NUP62: variants seen among roughly 807,000 people sequenced by gnomAD.
NUP62 encodes the protein nucleoporin 62, also known as nuclear pore glycoprotein p62.
For synonymous variants in NUP62, 305 were observed against 303.4 expected (o/e 1.01, Z -0.05); for missense variants, 647 against 689.4 (o/e 0.94, Z 0.69).
At chr19:49,924,158 C>A (rs1196992127) in intron 2 of NUP62, among the ~76,000 whole-genome samples, 5 of 152,164 alleles carry the variant, frequency 3.3e-5, no homozygotes, top group South Asian at 2.1e-4. Flanking sequence ...GGCCTCGGGG[C>A]CCTGGAAGCT....
At chr19:49,917,359 GCTT>G (rs1243961142) in intron 2 of NUP62, among the ~76,000 whole-genome samples, 1 of 152,238 alleles carries the variant, frequency 6.6e-6, no homozygotes, top group Non-Finnish European at 1.5e-5. Flanking sequence ...TAACTACTCT[GCTT>G]CTTAACCGTC....
Position 49,929,475 on chromosome 19 carries a change from TG to T in NUP62, c.-350del, listed in dbSNP as rs906473711. 5.9e-5 allele frequency: 9 copies of T among 152,472 alleles called. No homozygotes were observed. In the East Asian group the frequency reaches 1.4e-3, roughly 23 times the overall value. 9.4% of individuals were successfully genotyped at this position (152,472 alleles called of 1,614,324 possible). A position where few individuals can be genotyped will look rare whatever the true frequency, so the allele number is the denominator to read the frequency against. On this transcript the variant is annotated 5_prime_UTR_variant, in exon 1 of 3. Coordinates refer to ENST00000352066, the MANE Select transcript of NUP62 (RefSeq NM_016553.5). ...GCTCGTGGCCCTCTTTAGGGAGCCC[TG>T]GGGGGTGGGGAGTCGCGAGCGGGGA...
chr19:49,924,504 C>A (rs1235091191), intron 2 of NUP62, among the ~76,000 whole-genome samples: 1 of 152,278 alleles, frequency 6.6e-6, no homozygotes, highest in South Asian at 2.1e-4. Context: ...CTGCAACCAC[C>A]GCCTCACTCC....
At chr19:49,914,789 G>A (rs1347488378) in intron 2 of NUP62, among the ~76,000 whole-genome samples, 1 of 137,504 alleles carries the variant, frequency 7.3e-6, no homozygotes, top group Non-Finnish European at 1.5e-5. Flanking sequence ...ACCCAGGCTG[G>A]AGTGTGGTGG....
intron 2 of NUP62, among the ~76,000 whole-genome samples, chr19:49,915,481 G>A (rs969965687): frequency 1.3e-5 from 2 of 152,168 alleles, no homozygotes; most frequent in African/African-American, 4.8e-5. Context: ...TTTCCCAGAG[G>A]AACTACACAC....
chr19:49,911,313 G>A (rs1415559672), intron 2 of NUP62: 7 of 152,196 alleles, frequency 4.6e-5, no homozygotes, highest in Non-Finnish European at 7.3e-5. Flanking sequence ...AGAAAGCCAG[G>A]AGCCAAGGAA....
At chr19:49,925,525 T>C (rs1951809075) in intron 2 of NUP62, among the ~76,000 whole-genome samples, 2 of 151,046 alleles carry the variant, frequency 1.3e-5, no homozygotes, top group South Asian at 2.1e-4. Flanking sequence ...CAAAACCAAA[T>C]GGAAGCACAT....
Position 49,909,592 on chromosome 19 carries a change from T to C in NUP62, c.216A>G (p.Thr72=). The C allele has an allele frequency of 1.2e-6, 2 of 1,613,968 alleles. No homozygotes were observed. Among genetic ancestry groups the C allele is most frequent in the Non-Finnish European group, 1.7e-6 (2 of 1,179,974 alleles). Residue 72 remains threonine (T), a synonymous_variant, in exon 3 of 3, where the codon ACA becomes ACG. Transcript: ENST00000352066. ...GAGTCGCTGTTCCAAAAGTGAAGCC[T>C]GTCGTCTGTGTGGCCGGAGTCTGGG... The part of the protein sequence containing the change: ...LATQTPATQT[T]GFTFGTATLA...
At chr19:49,926,277 C>T (rs989971270) in intron 2 of NUP62, among the ~76,000 whole-genome samples, 2 of 147,598 alleles carry the variant, frequency 1.4e-5, no homozygotes, top group South Asian at 2.1e-4. Context: ...GCCTGTAAAT[C>T]CCAGCATTTT....
intron 2 of NUP62, among the ~76,000 whole-genome samples, chr19:49,913,712 C>T (rs1013716071): frequency 2.6e-5 from 4 of 152,194 alleles, no homozygotes; most frequent in African/African-American, 7.2e-5. Context: ...AAACCGTGAC[C>T]GTGACTGTGA....
At chr19:49,914,726 GTTT>G (rs530372497) in intron 2 of NUP62, among the ~76,000 whole-genome samples, 25 of 56,392 alleles carry the variant, frequency 4.4e-4, no homozygotes, top group African/African-American at 1.4e-3. Context: ...CCAAGTCCCA[GTTT>G]TTTTTTTTTT....
At chr19:49,914,726 GT>G (rs530372497) in intron 2 of NUP62, among the ~76,000 whole-genome samples, 5,179 of 56,408 alleles carry the variant, frequency 0.092, 518 homozygotes, top group South Asian at 0.19. Flanking sequence ...CCAAGTCCCA[GT>G]TTTTTTTTTT....
At chr19:49,929,189 TC>T (rs5828422) in intron 1 of NUP62, 136 bp downstream of exon 1, 70,963 of 152,502 alleles carry the variant, frequency 0.47, 17,101 homozygotes, top group East Asian at 0.81. Flanking sequence ...CTGTCCCCAG[TC>T]CCCGGGGCCG....
intron 2 of NUP62, among the ~76,000 whole-genome samples, chr19:49,917,266 T>C (rs144860638): frequency 4.1e-4 from 62 of 152,312 alleles, no homozygotes; most frequent in African/African-American, 1.4e-3. Context: ...CTTCCCTCAC[T>C]TGCCCTCCCG....
rs1486383977 is a variant in NUP62 at position 49,909,784 on chromosome 19, G to A, written c.24C>T (p.Gly8=). The change falls in exon 3 of 3, where the codon GGC becomes GGT. Residue 8 remains glycine (G), a synonymous_variant. Transcript: ENST00000352066. MSGFNFG[G]TGAPTGGFTF... ...TGAACCCGCCTGTAGGGGCCCCAGTGCCTCCAAAATTAAACCCGCTCATGG... is the reference window on the plus strand; with the variant it reads ...TGAACCCGCCTGTAGGGGCCCCAGTACCTCCAAAATTAAACCCGCTCATGG... 6.2e-7 allele frequency: 1 copy of A among 1,614,042 alleles called. No homozygotes were observed. Among genetic ancestry groups the A allele is most frequent in the Non-Finnish European group, 8.5e-7 (1 of 1,180,042 alleles).
intron 2 of NUP62, among the ~76,000 whole-genome samples, chr19:49,923,444 T>G (rs2075811608): frequency 6.6e-6 from 1 of 152,222 alleles, no homozygotes; most frequent in African/African-American, 2.4e-5. Context: ...AGGAGGGCCC[T>G]GACTTTGCCC....
At chr19:49,916,055 G>A (rs994196204) in intron 2 of NUP62, among the ~76,000 whole-genome samples, 1 of 152,228 alleles carries the variant, frequency 6.6e-6, no homozygotes, top group African/African-American at 2.4e-5. Context: ...AACCGGCACC[G>A]TGCCAGAGCA....
chr19:49,919,426 T>A (rs1286953341), intron 2 of NUP62, among the ~76,000 whole-genome samples: 1 of 152,198 alleles, frequency 6.6e-6, no homozygotes, highest in Non-Finnish European at 1.5e-5. Context: ...GAAATCGTTT[T>A]AAGCAGGCTT....
chr19:49,908,891 G>A lies in NUP62; in HGVS notation c.917C>T (p.Thr306Ile), dbSNP rs1423959579. The A allele has an allele frequency of 1.2e-6, 2 of 1,609,262 alleles. No homozygotes were observed. Among genetic ancestry groups the A allele is most frequent in the South Asian group, 2.2e-5 (2 of 91,028 alleles). The stretch of plus-strand genomic sequence containing the variant: ...AGGTGGAGCGGTCACGGCAGCTGCT[G>A]TATTGCTGGGGATCCCGGCTGGCGC... The part of the protein sequence containing the change: ...PLAPAGIPSN[T>I]AAAVTAPPGP... Residue 306 changes from threonine to isoleucine, a missense_variant, in exon 3 of 3, where the codon ACA becomes ATA. Thr to Ile is a moderately conservative substitution (Grantham distance 89, BLOSUM62 -1). Coordinates refer to ENST00000352066, the MANE Select transcript of NUP62 (RefSeq NM_016553.5).
Sources: gnomAD v4.1 joint callset for allele counts (sites outside exome capture counted in the v4.1 genomes callset) on GRCh38, gnomAD v4.1.1 for gene constraint, MANE v1.5 for transcripts, NCBI Gene and HGNC (gene_info 2026-07-23, HGNC 2026-07-21) for gene names.